The following ITGAM variants were observed in gnomAD, a reference collection of about 807,000 sequenced individuals.
ITGAM encodes integrin alpha-M.
In ITGAM, 79 loss-of-function variants were observed where a neutral mutation model predicts 137.5. That is an observed-to-expected ratio of 0.57 (90% confidence interval 0.48 to 0.69). The LOEUF is 0.69. Ranked by LOEUF, ITGAM falls within the 30% of genes least tolerant of loss-of-function variation. ITGAM has a pLI of 0.00. For synonymous variants in ITGAM, 583 were observed against 592.3 expected (o/e 0.98, Z 0.23); for missense variants, 1,343 against 1,483.5 (o/e 0.91, Z 1.56).
At chr16:31,321,941 G>A (rs2080455448) in intron 16 of ITGAM, among the ~76,000 whole-genome samples, 1 of 152,196 alleles carries the variant, frequency 6.6e-6, no homozygotes, top group Non-Finnish European at 1.5e-5. Flanking sequence ...TGGGGAGATT[G>A]AATTGATGAA....
At chr16:31,261,273 G>A (rs573579348) in intron 1 of ITGAM, among the ~76,000 whole-genome samples, 2 of 150,212 alleles carry the variant, frequency 1.3e-5, no homozygotes, top group East Asian at 3.9e-4. Flanking sequence ...CATGATCATG[G>A]TTCACTGCAG....
At chr16:31,298,517 G>T (rs1052012983) in intron 14 of ITGAM, among the ~76,000 whole-genome samples, 1 of 152,190 alleles carries the variant, frequency 6.6e-6, no homozygotes, top group African/African-American at 2.4e-5. Context: ...GTAGATCAAG[G>T]CCCAGCGATG....
intron 22 of ITGAM, among the ~76,000 whole-genome samples, chr16:31,327,633 G>GA (rs66642157): frequency 0.015 from 2,283 of 150,562 alleles, 29 homozygotes; most frequent in Non-Finnish European, 0.026. Context: ...AAATAAAAGG[G>GA]AAAAAAAGAA....
chr16:31,302,966 TTC>T (rs538125079), intron 14 of ITGAM, among the ~76,000 whole-genome samples: 26 of 135,004 alleles, frequency 1.9e-4, no homozygotes, highest in East Asian at 4.9e-4. Flanking sequence ...CTTTCTTTCT[TTC>T]TTTCTTTCTT....
chr16:31,329,913 G>A lies in ITGAM; in HGVS notation c.2976+8G>A. The A allele has an allele frequency of 1.3e-6, 2 of 1,556,796 alleles. No homozygotes were observed. The highest frequency in any genetic ancestry group is 1.7e-6 in the Non-Finnish European group (2 of 1,149,748). ...CAGGTCACCTTCTCCGAGGTGAGCG[G>A]AGCTCGGCCTGACTCCTGCACGGCC... On this transcript the variant is annotated splice_region_variant and intron_variant, in intron 25 of 29. Transcript: ENST00000544665.
rs1304053769 is a variant in ITGAM, at chr16:31,267,346, C to T, written c.427+1199C>T. Among the ~76,000 whole-genome samples the T allele has an allele frequency of 2.0e-5, 3 of 152,194 alleles. No individual in the cohort carries two copies. In the East Asian group the frequency reaches 5.8e-4, roughly 29 times the overall value. On this transcript the variant is annotated intron_variant, in intron 5 of 29. Coordinates refer to ENST00000544665, the MANE Select transcript of ITGAM (RefSeq NM_000632.4). ...CTGTTCCTCTATATTTCACCCTCCA[C>T]AGTTAATCCTCCTTCCTCCACAGAG...
At position 31,329,261 on chromosome 16, in the gene ITGAM, G is replaced by A. The variant is rs1214682739; in HGVS notation, c.2826G>A (p.Thr942=). 6.2e-7 allele frequency: 1 copy of A among 1,613,090 alleles called. No individual in the cohort carries two copies. Among genetic ancestry groups the A allele is most frequent in the Non-Finnish European group, 8.5e-7 (1 of 1,179,430 alleles). The change falls in exon 24 of 30, where the codon ACG becomes ACA. Residue 942 remains threonine, a synonymous_variant. Transcript: ENST00000544665. ...HGVSTKYLNF[T]ASENTSRVMQ... is the part of the protein sequence containing the mutation. ...TCTCCACTAAATATCTCAACTTCAC[G>A]GCCTCAGAGAATACCAGTCGGGTCA...
intron 14 of ITGAM, among the ~76,000 whole-genome samples, chr16:31,306,450 C>A (rs1005727492): frequency 6.6e-6 from 1 of 151,334 alleles, no homozygotes; most frequent in Non-Finnish European, 1.5e-5. Context: ...TCAGTGCAGA[C>A]ATATAACACT....
At chr16:31,275,341 G>C (rs1274418781) in intron 8 of ITGAM, among the ~76,000 whole-genome samples, 1 of 152,168 alleles carries the variant, frequency 6.6e-6, no homozygotes, top group Non-Finnish European at 1.5e-5. Context: ...TCAGCAGCCG[G>C]GTTTCTGCCC....
intron 12 of ITGAM, among the ~76,000 whole-genome samples, chr16:31,279,406 C>T (rs2079944116): frequency 6.6e-6 from 1 of 152,130 alleles, no homozygotes; most frequent in Admixed American, 6.6e-5. Flanking sequence ...CGTGTTGTTT[C>T]CTGACTTTTT....
In ITGAM at chr16:31,329,275, C is replaced by G. The variant is rs762166382; in HGVS notation, c.2840C>G (p.Thr947Ser). 12 of 1,612,738 alleles carry G rather than the reference C, an allele frequency of 7.4e-6. No homozygotes were observed. Among genetic ancestry groups the G allele is most frequent in the Admixed American group, 5.0e-5 (3 of 59,948 alleles). The part of the protein sequence containing the change: ...KYLNFTASEN[T>S]SRVMQHQYQV... Reference sequence around the variant, plus strand: ...CTCAACTTCACGGCCTCAGAGAATACCAGTCGGGTCATGCAGCATCAATAT... The same window carrying G: ...CTCAACTTCACGGCCTCAGAGAATAGCAGTCGGGTCATGCAGCATCAATAT... Residue 947 changes from threonine to serine, a missense_variant, in exon 24 of 30, where the codon ACC becomes AGC. Physicochemically the swap from Thr to Ser is moderately conservative, Grantham distance 58. Transcript: ENST00000544665.
intron 12 of ITGAM, among the ~76,000 whole-genome samples, chr16:31,290,243 T>G (rs2080073927): frequency 6.6e-6 from 1 of 152,020 alleles, no homozygotes; most frequent in South Asian, 2.1e-4. Context: ...TTCCAGGGGC[T>G]GGGGGTTGGA....
intron 16 of ITGAM, among the ~76,000 whole-genome samples, chr16:31,322,393 G>A (rs1267170908): frequency 6.6e-6 from 1 of 152,198 alleles, no homozygotes; most frequent in Admixed American, 6.6e-5. Flanking sequence ...CAAAATGTTA[G>A]AGAGTAGGGA....
intron 14 of ITGAM, among the ~76,000 whole-genome samples, chr16:31,301,114 G>A (rs551027955): frequency 7.2e-5 from 11 of 152,150 alleles, no homozygotes; most frequent in South Asian, 2.1e-4. Flanking sequence ...TATTTTTGTC[G>A]TCTGTACTTT....
intron 12 of ITGAM, among the ~76,000 whole-genome samples, chr16:31,283,625 C>A (rs1358014008): frequency 1.3e-5 from 2 of 152,174 alleles, no homozygotes; most frequent in East Asian, 3.8e-4. Context: ...TTCGTCTAAT[C>A]TTTTTACAAG....
intron 7 of ITGAM, 121 bp downstream of exon 7, chr16:31,272,113 G>A (rs2079848007): frequency 8.4e-7 from 1 of 1,191,728 alleles, no homozygotes. Context: ...CGGCAGAGGT[G>A]GGGAGGCTGT....
intron 12 of ITGAM, among the ~76,000 whole-genome samples, chr16:31,293,102 C>A (rs532199803): frequency 6.6e-6 from 1 of 151,750 alleles, no homozygotes; most frequent in Non-Finnish European, 1.5e-5. Flanking sequence ...CTTTTAATGG[C>A]GTTGTTTTTC....
chr16:31,291,168 C>T (rs1260180137), intron 12 of ITGAM, among the ~76,000 whole-genome samples: 1 of 152,138 alleles, frequency 6.6e-6, no homozygotes, highest in Non-Finnish European at 1.5e-5. Flanking sequence ...TCTACAGATT[C>T]AATGCAGTAA....
Position 31,306,390 on chromosome 16 carries a change from A to C in ITGAM, c.1707+8436A>C, listed in dbSNP as rs549513298. 2.6e-5 allele frequency among the ~76,000 whole-genome samples: 4 copies of C among 152,298 alleles called. No homozygotes were observed. The South Asian group carries it at 8.3e-4, about 32-fold the overall frequency. Reference sequence around the variant, plus strand: ...AAAGCTACAAAAATCTCAAAGTTTGAGTTTTAAACTGAATATTTGAAGCTA... The same window carrying C: ...AAAGCTACAAAAATCTCAAAGTTTGCGTTTTAAACTGAATATTTGAAGCTA... On this transcript the variant is annotated intron_variant, in intron 14 of 29. Coordinates refer to ENST00000544665, the MANE Select transcript of ITGAM (RefSeq NM_000632.4).
Sources: gnomAD v4.1 joint callset for allele counts (sites outside exome capture counted in the v4.1 genomes callset) on GRCh38, gnomAD v4.1.1 for gene constraint, MANE v1.5 for transcripts, NCBI Gene and HGNC (gene_info 2026-07-23, HGNC 2026-07-21) for gene names.